Variants in SLC3A1 observed in about 807,000 individuals in gnomAD.
SLC3A1 encodes the protein solute carrier family 3 member 1.
SLC3A1 carries 78 observed loss-of-function variants against 60.3 expected under a neutral mutation model. The observed-to-expected ratio is 1.29, with a 90% CI of 1.08 to 1.56. The LOEUF is 1.56. Ranked by LOEUF, SLC3A1 falls within the 40% of genes most tolerant of loss-of-function variation. The pLI is 0.00. For synonymous variants in SLC3A1, 392 were observed against 307.9 expected (o/e 1.27, Z -2.86); for missense variants, 1,172 against 858.9 (o/e 1.36, Z -4.56).
chr2:44,313,401 T>G (rs1672347245), intron 8 of SLC3A1, among the ~76,000 whole-genome samples: 2 of 152,170 alleles, frequency 1.3e-5, no homozygotes, highest in South Asian at 4.1e-4. Flanking sequence ...GCTCCTACAT[T>G]TGTGTGTGTG....
chr2:44,280,964 T>G (rs1671483680), intron 2 of SLC3A1, 69 bp downstream of exon 2: 1 of 1,349,546 alleles, frequency 7.4e-7, no homozygotes. Context: ...AATGTTTACT[T>G]AAAGCATTTC....
intron 4 of SLC3A1, 101 bp downstream of exon 4, chr2:44,286,258 C>A (rs533983612): frequency 4.4e-6 from 5 of 1,146,594 alleles, no homozygotes; most frequent in Non-Finnish European, 6.5e-6. Flanking sequence ...AAAATCAAGT[C>A]TTTAATTATT....
At chr2:44,288,416 C>A (rs1158209007) in intron 4 of SLC3A1, among the ~76,000 whole-genome samples, 1 of 151,986 alleles carries the variant, frequency 6.6e-6, no homozygotes, top group East Asian at 1.9e-4. Context: ...TCCCCCACCC[C>A]CTGGGAAACC....
intron 7 of SLC3A1, among the ~76,000 whole-genome samples, chr2:44,309,597 ACTT>A (rs1286286348): frequency 6.6e-6 from 1 of 151,984 alleles, no homozygotes; most frequent in African/African-American, 2.4e-5. Flanking sequence ...ATCACATAAT[ACTT>A]CTTTTGTTTT....
intron 5 of SLC3A1, 91 bp from the exon 6 acceptor site, chr2:44,300,912 C>A (rs1256037392): frequency 1.3e-6 from 2 of 1,498,078 alleles, no homozygotes; most frequent in Non-Finnish European, 9.3e-7. Flanking sequence ...TGGCTTGAGC[C>A]CTTTGAAGAG....
chr2:44,300,718 C>T (rs899094691), intron 5 of SLC3A1, among the ~76,000 whole-genome samples: 1 of 152,026 alleles, frequency 6.6e-6, no homozygotes, highest in Admixed American at 6.6e-5. Context: ...GGGTCTGAAA[C>T]ATTTTGACAA....
At chr2:44,296,923 A>C (rs551681864) in intron 4 of SLC3A1, among the ~76,000 whole-genome samples, 1 of 152,190 alleles carries the variant, frequency 6.6e-6, no homozygotes, top group African/African-American at 2.4e-5. Flanking sequence ...GCCTGCTGTC[A>C]TGTAAGATGT....
chr2:44,285,942 C>G, intron 3 of SLC3A1, 90 bp from the exon 4 acceptor site: 2 of 1,507,550 alleles, frequency 1.3e-6, no homozygotes, highest in Non-Finnish European at 1.8e-6. Flanking sequence ...TTTACATACT[C>G]TGCCTGCAAA....
At chr2:44,318,719 T>C (rs1466294514) in intron 9 of SLC3A1, 1 of 152,220 alleles carries the variant, frequency 6.6e-6, no homozygotes, top group Admixed American at 6.5e-5. Context: ...AACCTTTTTA[T>C]AGTATGTATT....
At chr2:44,289,286 C>T (rs1671685227) in intron 4 of SLC3A1, among the ~76,000 whole-genome samples, 1 of 151,766 alleles carries the variant, frequency 6.6e-6, no homozygotes. Flanking sequence ...TCTCGGCTCA[C>T]TGCAACCTCC....
intron 7 of SLC3A1, among the ~76,000 whole-genome samples, chr2:44,307,182 C>G (rs12470084): frequency 6.6e-6 from 1 of 152,026 alleles, no homozygotes; most frequent in Admixed American, 6.5e-5. Flanking sequence ...CTCAGTACAT[C>G]GTTCCTTTTT....
At chr2:44,316,093 C>A (rs1672439430) in intron 9 of SLC3A1, among the ~76,000 whole-genome samples, 1 of 152,150 alleles carries the variant, frequency 6.6e-6, no homozygotes, top group South Asian at 2.1e-4. Flanking sequence ...TCCAACTTGG[C>A]TTCCCATTAT....
Position 44,321,480 on chromosome 2 carries a change from G to A in SLC3A1, c.*841G>A. 1.9e-6 allele frequency: 3 copies of A among 1,594,458 alleles called. No homozygotes were observed. Among genetic ancestry groups the A allele is most frequent in the East Asian group, 2.2e-5 (1 of 44,684 alleles). On this transcript the variant is annotated 3_prime_UTR_variant, in exon 10 of 10. Transcript: ENST00000260649. ...ACACATTAAAAAAATTAAATAGAAG[G>A]CCTTTGTAGTAAAATGCCACTGTTT...
intron 1 of SLC3A1, among the ~76,000 whole-genome samples, chr2:44,278,448 A>C (rs887331152): frequency 7.9e-5 from 12 of 151,870 alleles, no homozygotes; most frequent in African/African-American, 2.9e-4. Context: ...ACTCCATCTC[A>C]AAAATAAATA....
chr2:44,312,722 T>C lies in SLC3A1; in HGVS notation c.1469T>C (p.Val490Ala), dbSNP rs1348620608. The change falls in exon 8 of 10, where the codon GTA becomes GCA. Residue 490 changes from valine to alanine, a missense_variant. Val to Ala is a moderately conservative substitution (Grantham distance 64). Transcript: ENST00000260649. ...GAAGAAATTGGAATGGGAAATATTG[T>C]AGCCGCAAATCTCAATGAAAGCTAT... is the stretch of plus-strand genomic sequence containing the variant. Reference protein sequence around the residue: ...YGEEIGMGNIVAANLNESYDI... With the variant: ...YGEEIGMGNIAAANLNESYDI... The C allele has an allele frequency of 1.9e-6, 3 of 1,613,294 alleles. No individual in the cohort carries two copies. Among genetic ancestry groups the C allele is most frequent in the Non-Finnish European group, 2.5e-6 (3 of 1,179,458 alleles).
chr2:44,308,274 G>A (rs539283094), intron 7 of SLC3A1, among the ~76,000 whole-genome samples: 54 of 152,334 alleles, frequency 3.5e-4, no homozygotes, highest in South Asian at 8.3e-4. Flanking sequence ...TTGACATAGA[G>A]AAGTATGGGT....
chr2:44,281,682 T>A, intron 3 of SLC3A1, 141 bp downstream of exon 3: 3 of 778,136 alleles, frequency 3.9e-6, no homozygotes, highest in South Asian at 3.2e-5. Flanking sequence ...GAAATAGAAA[T>A]AAGGTTTCCA....
At chr2:44,311,679 T>C (rs1247640263) in intron 7 of SLC3A1, among the ~76,000 whole-genome samples, 5 of 149,738 alleles carry the variant, frequency 3.3e-5, no homozygotes, top group Admixed American at 3.3e-4. Context: ...CAATGGTCTA[T>C]AAAAACGTAA....
intron 4 of SLC3A1, among the ~76,000 whole-genome samples, chr2:44,296,828 A>G (rs897694511): frequency 1.3e-5 from 2 of 152,178 alleles, no homozygotes; most frequent in Non-Finnish European, 2.9e-5. Flanking sequence ...TAATTGAATC[A>G]TGGGTGTGGT....
Sources: allele counts gnomAD v4.1 joint callset (sites outside exome capture counted in the v4.1 genomes callset), GRCh38; gene constraint gnomAD v4.1.1; transcripts MANE v1.5; gene names NCBI Gene and HGNC (gene_info 2026-07-23, HGNC 2026-07-21).